COL13A1: variants seen among roughly 807,000 people sequenced by gnomAD.
COL13A1 encodes the protein collagen alpha-1(XIII) chain.
Under a neutral mutation model 130.9 loss-of-function variants are expected in COL13A1, and 89 were observed. That is an observed-to-expected ratio of 0.68 (90% confidence interval 0.57 to 0.81). The LOEUF (loss-of-function observed/expected upper bound fraction) is 0.81, where lower values mean the gene tolerates loss of function less well. COL13A1 is among the 30% of genes least tolerant of loss of function. COL13A1 has a pLI of 0.00. For synonymous variants in COL13A1, 402 were observed against 341.6 expected (o/e 1.18, Z -1.95); for missense variants, 879 against 934.6 (o/e 0.94, Z 0.78).
At chr10:69,871,981 C>T (rs767472951) in intron 3 of COL13A1, among the ~76,000 whole-genome samples, 3 of 152,178 alleles carry the variant, frequency 2.0e-5, no homozygotes, top group African/African-American at 4.8e-5. Flanking sequence ...AAGAGGTGAA[C>T]ACAGGTGGGC....
At chr10:69,894,763 A>C (rs1473776361) in intron 12 of COL13A1, 62 bp downstream of exon 12, 2 of 1,599,338 alleles carry the variant, frequency 1.3e-6, no homozygotes, top group Non-Finnish European at 1.7e-6. Context: ...AGTTGGTAGA[A>C]AGGGGTCAAT....
chr10:69,802,798 G>C lies in COL13A1; in HGVS notation c.294+81G>C, dbSNP rs1840388966. On this transcript the variant is annotated intron_variant, in intron 1 of 40. Coordinates refer to ENST00000645393, the MANE Select transcript of COL13A1 (RefSeq NM_001368882.1). ...CCTCCAGACTGTTCAGCCGGTGTCC[G>C]CGGGCGCTCGCTCTCTGCGAGCCCC... 4 of 1,548,210 alleles carry C rather than the reference G, an allele frequency of 2.6e-6. No homozygotes were observed. In the Admixed American group the frequency reaches 5.4e-5, roughly 21 times the overall value.
At chr10:69,922,951 T>C (rs1050587401) in intron 23 of COL13A1, among the ~76,000 whole-genome samples, 157 bp downstream of exon 23, 1 of 152,260 alleles carries the variant, frequency 6.6e-6, no homozygotes, top group African/African-American at 2.4e-5. Context: ...AAAGGCCATT[T>C]GGACCCAGCT....
intron 3 of COL13A1, among the ~76,000 whole-genome samples, chr10:69,869,245 GTC>G (rs1268026951): frequency 1.3e-5 from 2 of 152,248 alleles, no homozygotes; most frequent in African/African-American, 4.8e-5. Context: ...TCTTCACTCA[GTC>G]TCTGCCCACA....
chr10:69,902,872 T>G lies in COL13A1; in HGVS notation c.858+17T>G. The G allele has an allele frequency of 6.7e-7, 1 of 1,497,352 alleles. No individual in the cohort carries two copies. The highest frequency in any genetic ancestry group is 9.0e-7 in the Non-Finnish European group (1 of 1,114,736). The allele number at this position is 1,497,352 out of a possible 1,614,324, so 92.8% of individuals were successfully genotyped here. A position where few individuals can be genotyped will look rare whatever the true frequency, so the allele number is the denominator to read the frequency against. ...GGGCCACCTGTAAGTATTCCCTTCC[T>G]CTCTCCTTCAAGACTTATCCCAAGA... is the stretch of plus-strand genomic sequence containing the variant. On this transcript the variant is annotated intron_variant, in intron 15 of 40. Coordinates refer to ENST00000645393, the MANE Select transcript of COL13A1 (RefSeq NM_001368882.1).
intron 6 of COL13A1, among the ~76,000 whole-genome samples, chr10:69,878,526 G>C (rs2059834050): frequency 1.3e-5 from 2 of 151,874 alleles, no homozygotes; most frequent in South Asian, 4.1e-4. Context: ...CTGTCACCCA[G>C]GCTGGAGCGC....
intron 8 of COL13A1, among the ~76,000 whole-genome samples, chr10:69,887,872 G>A (rs1285184057): frequency 1.3e-5 from 2 of 152,158 alleles, no homozygotes; most frequent in African/African-American, 2.4e-5. Context: ...GAGGCAGAGG[G>A]GTGGCCATCT....
chr10:69,951,470 T>C (rs776338865), intron 38 of COL13A1, among the ~76,000 whole-genome samples: 1 of 152,150 alleles, frequency 6.6e-6, no homozygotes, highest in Non-Finnish European at 1.5e-5. Flanking sequence ...GCTCAAGTGA[T>C]CTTTCTGCCT....
At chr10:69,844,970 G>A (rs1024367377) in intron 2 of COL13A1, among the ~76,000 whole-genome samples, 3 of 152,182 alleles carry the variant, frequency 2.0e-5, no homozygotes, top group African/African-American at 7.2e-5. Flanking sequence ...AGGATCTTGA[G>A]AGATGAGTAG....
intron 32 of COL13A1, 108 bp from the exon 33 acceptor site, chr10:69,936,648 C>A: frequency 1.5e-6 from 2 of 1,363,300 alleles, no homozygotes; most frequent in Non-Finnish European, 1.0e-6. Flanking sequence ...GACCCCAAAC[C>A]ATACTCTGCA....
At chr10:69,874,685 A>G (rs78907527) in intron 4 of COL13A1, among the ~76,000 whole-genome samples, 2,358 of 152,302 alleles carry the variant, frequency 0.015, 59 homozygotes, top group African/African-American at 0.055. Context: ...GCAGAGACAG[A>G]CCGAGGAAAG....
chr10:69,859,612 C>A (rs1857407346), intron 2 of COL13A1, among the ~76,000 whole-genome samples: 1 of 152,244 alleles, frequency 6.6e-6, no homozygotes, highest in South Asian at 2.1e-4. Flanking sequence ...ACTTGTCTTC[C>A]TTCAGGGACC....
intron 17 of COL13A1, among the ~76,000 whole-genome samples, chr10:69,914,195 C>T (rs1304484972): frequency 6.6e-6 from 1 of 152,180 alleles, no homozygotes; most frequent in African/African-American, 2.4e-5. Context: ...TGCAGGAGCA[C>T]CCCTCTGGGC....
chr10:69,880,476 CCTCTCCCCCTTCCT>C lies in COL13A1; in HGVS notation c.463-18_463-5del, dbSNP rs781295341. The C allele has an allele frequency of 7.1e-7, 1 of 1,408,572 alleles. No individual in the cohort carries two copies. Among genetic ancestry groups the C allele is most frequent in the Non-Finnish European group, 1.0e-6 (1 of 993,290 alleles). The allele number at this position is 1,408,572 out of a possible 1,614,324, so 87.3% of individuals were successfully genotyped here. ...CTCCATACCTCCCTGCCCCTCGCTC[CCTCTCCCCCTTCCT>C]CTCTCCCCGCAGGGGTCCCCCGGAG... On this transcript the variant is annotated splice_polypyrimidine_tract_variant and intron_variant, in intron 6 of 40. Transcript: ENST00000645393.
chr10:69,945,688 T>G lies in COL13A1; in HGVS notation c.1986T>G (p.Pro662=), dbSNP rs1373035671. The G allele has an allele frequency of 3.1e-6, 5 of 1,613,052 alleles. No individual in the cohort carries two copies. The East Asian group carries it at 6.7e-5, about 22-fold the overall frequency. The change falls in exon 37 of 41, where the codon CCT becomes CCG. Residue 662 remains proline (P), a synonymous_variant. Coordinates refer to ENST00000645393, the MANE Select transcript of COL13A1 (RefSeq NM_001368882.1). ...CATTTCAGGGCAGCAAAGGAGACCC[T>G]GGGATGACAGGACCAACGGGAGCAG... ...PKGERGSKGD[P]GMTGPTGAAG... is the part of the protein sequence containing the mutation.
intron 2 of COL13A1, among the ~76,000 whole-genome samples, chr10:69,859,105 C>T (rs1476319252): frequency 6.6e-6 from 1 of 152,280 alleles, no homozygotes; most frequent in Non-Finnish European, 1.5e-5. Context: ...TGGACAATAG[C>T]ACACCTTGTA....
intron 10 of COL13A1, among the ~76,000 whole-genome samples, chr10:69,892,174 A>G (rs1214537154): frequency 6.6e-6 from 1 of 152,134 alleles, no homozygotes; most frequent in East Asian, 1.9e-4. Context: ...AGAGCATCTG[A>G]TTCCTGTTTG....
intron 25 of COL13A1, 125 bp downstream of exon 25, chr10:69,925,132 G>A (rs1026621320): frequency 4.1e-6 from 4 of 971,932 alleles, no homozygotes; most frequent in Non-Finnish European, 5.7e-6. Flanking sequence ...GTGCCCAAGA[G>A]ACAGGTCTGT....
chr10:69,948,569 A>G (rs1034158104), intron 38 of COL13A1, among the ~76,000 whole-genome samples: 6 of 152,254 alleles, frequency 3.9e-5, no homozygotes, highest in Admixed American at 2.0e-4. Flanking sequence ...GTGTGGCATC[A>G]AAGGATTTAG....
Sources: gnomAD v4.1 joint callset for allele counts (sites outside exome capture counted in the v4.1 genomes callset) on GRCh38, gnomAD v4.1.1 for gene constraint, MANE v1.5 for transcripts, NCBI Gene and HGNC (gene_info 2026-07-23, HGNC 2026-07-21) for gene names.